CACNA1D: variants seen among roughly 807,000 people sequenced by gnomAD.
The protein encoded by CACNA1D is voltage-dependent L-type calcium channel subunit alpha-1D.
A neutral mutation model predicts 257.1 loss-of-function variants in CACNA1D; 55 were observed. The observed-to-expected ratio is 0.21, with a 90% CI of 0.17 to 0.27. The LOEUF is 0.27. Among genes scored for constraint, CACNA1D ranks in the 10% least tolerant of loss-of-function variants. The pLI is 1.00. For synonymous variants in CACNA1D, 980 were observed against 1,014.9 expected (o/e 0.97, Z 0.65); for missense variants, 1,876 against 2,784.0 (o/e 0.67, Z 7.34).
chr3:53,639,931 G>A (rs547007759), intron 3 of CACNA1D, among the ~76,000 whole-genome samples: 78 of 145,996 alleles, frequency 5.3e-4, no homozygotes, highest in Non-Finnish European at 7.7e-4. Flanking sequence ...GTGCTATCTC[G>A]GCTCACTGCA....
intron 3 of CACNA1D, among the ~76,000 whole-genome samples, chr3:53,548,286 A>G (rs370271885): frequency 6.0e-4 from 91 of 150,886 alleles, no homozygotes; most frequent in African/African-American, 2.1e-3. Context: ...TGCAGATTGT[A>G]TCCTTCTGGA....
Position 53,574,518 on chromosome 3 carries a change from C to T in CACNA1D, c.483+72798C>T, listed in dbSNP as rs182732637. On this transcript the variant is annotated intron_variant, in intron 3 of 47. Transcript: ENST00000350061. The stretch of plus-strand genomic sequence containing the variant: ...AAAACCATTGACTATGAAATTCTCC[C>T]AGATGGATGAAAGGCGGGGGCTTGT... 2.3e-3 allele frequency among the ~76,000 whole-genome samples: 345 copies of T among 152,268 alleles called. 1 individual carries two copies. Among genetic ancestry groups the T allele is most frequent in the Non-Finnish European group, 4.2e-3 (286 of 68,018 alleles).
At chr3:53,750,609 A>G (rs959771086) in intron 27 of CACNA1D, among the ~76,000 whole-genome samples, 2 of 152,160 alleles carry the variant, frequency 1.3e-5, no homozygotes, top group Admixed American at 1.3e-4. Flanking sequence ...TGTCAGGGAG[A>G]GGTCTGGCCC....
At chr3:53,510,007 G>C (rs1052860765) in intron 3 of CACNA1D, among the ~76,000 whole-genome samples, 2 of 152,198 alleles carry the variant, frequency 1.3e-5, no homozygotes, top group Non-Finnish European at 2.9e-5. Context: ...GGCTCCCCAT[G>C]CCTTGTTGTG....
At chr3:53,771,884 C>A (rs1327222909) in intron 32 of CACNA1D, among the ~76,000 whole-genome samples, 1 of 152,214 alleles carries the variant, frequency 6.6e-6, no homozygotes, top group East Asian at 1.9e-4. Context: ...CCCTGCTGAG[C>A]AGTCCAGCTG....
chr3:53,756,921 C>T (rs2077460), intron 29 of CACNA1D, among the ~76,000 whole-genome samples: 58,110 of 152,090 alleles, frequency 0.38, 12,420 homozygotes, highest in East Asian at 0.79. Flanking sequence ...AGCCATACTT[C>T]GTTCCCATCT....
chr3:53,810,475 C>T (rs2095591463), intron 47 of CACNA1D, 177 bp downstream of exon 47: 1 of 692,010 alleles, frequency 1.4e-6, no homozygotes, highest in African/African-American at 1.8e-5. Flanking sequence ...TGGTCACCAC[C>T]ACTGGCTGCA....
At chr3:53,557,353 G>A (rs1285798935) in intron 3 of CACNA1D, among the ~76,000 whole-genome samples, 2 of 152,040 alleles carry the variant, frequency 1.3e-5, no homozygotes, top group Non-Finnish European at 1.5e-5. Flanking sequence ...AATTAGCCGG[G>A]TGTGGTGGTG....
At chr3:53,688,649 A>G (rs941748492) in intron 8 of CACNA1D, among the ~76,000 whole-genome samples, 1 of 152,178 alleles carries the variant, frequency 6.6e-6, no homozygotes, top group Non-Finnish European at 1.5e-5. Flanking sequence ...ACTTCTCTCC[A>G]GGGCCTCACA....
intron 29 of CACNA1D, among the ~76,000 whole-genome samples, chr3:53,760,853 T>G (rs1054757282): frequency 6.6e-6 from 1 of 152,170 alleles, no homozygotes; most frequent in Admixed American, 6.5e-5. Context: ...AAGCACTGAC[T>G]GGGTTCAAGG....
intron 21 of CACNA1D, among the ~76,000 whole-genome samples, chr3:53,742,750 G>A (rs576699555): frequency 1.3e-5 from 2 of 152,324 alleles, no homozygotes; most frequent in East Asian, 3.9e-4. Context: ...TGCCAACAGT[G>A]TATTCATACT....
At position 53,620,415 on chromosome 3, in the gene CACNA1D, C is replaced by G. The variant is rs2093683736; in HGVS notation, c.484-30364C>G. On this transcript the variant is annotated intron_variant, in intron 3 of 47. Coordinates refer to ENST00000350061, the MANE Select transcript of CACNA1D (RefSeq NM_001128840.3). ...AAGTAATCCTCCTGCCTCAGCCTGC[C>G]CAGTAGCTAGGACTACAGGCACACC... Among the ~76,000 whole-genome samples, 3 of 151,934 alleles carry G rather than the reference C, an allele frequency of 2.0e-5. No homozygotes were observed. The South Asian group carries it at 6.2e-4, about 32-fold the overall frequency.
intron 40 of CACNA1D, among the ~76,000 whole-genome samples, chr3:53,799,408 A>G (rs2095524540): frequency 6.6e-6 from 1 of 152,222 alleles, no homozygotes; most frequent in South Asian, 2.1e-4. Flanking sequence ...CCCTGTCTCA[A>G]CATAGCAGGG....
intron 3 of CACNA1D, among the ~76,000 whole-genome samples, chr3:53,625,144 A>G (rs1576138558): frequency 6.6e-6 from 1 of 152,142 alleles, no homozygotes; most frequent in Admixed American, 6.6e-5. Flanking sequence ...GGTATAGGGC[A>G]TCTATGAGGC....
chr3:53,730,664 G>T (rs1258329685), intron 16 of CACNA1D, 108 bp downstream of exon 16: 1 of 848,410 alleles, frequency 1.2e-6, no homozygotes, highest in Admixed American at 2.0e-5. Flanking sequence ...GCAGCCCCCG[G>T]GTTGCTGCTT....
At chr3:53,739,995 T>A (rs991883519) in intron 20 of CACNA1D, among the ~76,000 whole-genome samples, 3 of 152,232 alleles carry the variant, frequency 2.0e-5, no homozygotes, top group African/African-American at 7.2e-5. Flanking sequence ...AAAAGCTTGT[T>A]AACAAAGCAC....
chr3:53,762,445 G>A lies in CACNA1D; in HGVS notation c.3870+364G>A, dbSNP rs558034907. Reference sequence around the variant, plus strand: ...TTTTAGGGGGATGTTTCAAGTCGCCGTGTGGCGCGATGCTAGAATGTTCCC... The same window carrying A: ...TTTTAGGGGGATGTTTCAAGTCGCCATGTGGCGCGATGCTAGAATGTTCCC... On this transcript the variant is annotated intron_variant, in intron 30 of 47. Coordinates refer to ENST00000350061, the MANE Select transcript of CACNA1D (RefSeq NM_001128840.3). 2.0e-4 allele frequency: 85 copies of A among 429,174 alleles called. 1 individual carries two copies. Among genetic ancestry groups the A allele is most frequent in the Admixed American group, 6.6e-4 (23 of 35,112 alleles). 26.6% of individuals were successfully genotyped at this position (429,174 alleles called of 1,614,324 possible).
intron 31 of CACNA1D, 142 bp downstream of exon 31, chr3:53,770,159 T>A (rs993797199): frequency 3.4e-5 from 27 of 800,408 alleles, no homozygotes; most frequent in Non-Finnish European, 5.6e-5. Flanking sequence ...TCATCATCAG[T>A]GTCCAGTACT....
At position 53,776,688 on chromosome 3, in the gene CACNA1D, A is replaced by T. The variant is rs960928549; in HGVS notation, c.4448A>T (p.Asp1483Val). 1.9e-6 allele frequency: 3 copies of T among 1,614,254 alleles called. No homozygotes were observed. The highest frequency in any genetic ancestry group is 2.5e-6 in the Non-Finnish European group (3 of 1,180,042). ...TCTATTTTGGGGCCTCACCATTTAG[A>T]TGAATTCAAAAGAATATGGTCAGAA... ...DWSILGPHHLDEFKRIWSEYD... is the reference protein window; with the variant it reads ...DWSILGPHHLVEFKRIWSEYD... The change falls in exon 36 of 48, where the codon GAT (aspartate) becomes GTT (valine). Residue 1483 changes from aspartate to valine, a missense_variant. Around this residue, in one of 10 missense-constraint regions of CACNA1D, gnomAD observed 83 missense variants for 210.7 expected, o/e 0.39. Coordinates refer to ENST00000350061, the MANE Select transcript of CACNA1D (RefSeq NM_001128840.3).
Sources: gnomAD v4.1 joint callset for allele counts (sites outside exome capture counted in the v4.1 genomes callset) on GRCh38, gnomAD v4.1.1 for gene constraint, gnomAD v4.1.1 regional missense constraint, MANE v1.5 for transcripts, NCBI Gene and HGNC (gene_info 2026-07-23, HGNC 2026-07-21) for gene names.